The following CCDC32 variants were observed in gnomAD, a reference collection of about 807,000 sequenced individuals.
CCDC32 encodes the protein coiled-coil domain-containing protein 32.
CCDC32 carries 9 observed loss-of-function variants against 20.1 expected under a neutral mutation model. The ratio of observed to expected loss-of-function variants is 0.45; its 90% CI spans 0.27 to 0.78. The LOEUF is 0.78. Among genes scored for constraint, CCDC32 ranks in the 30% least tolerant of loss-of-function variants. CCDC32 has a pLI of 0.16. For synonymous variants in CCDC32, 63 were observed against 79.0 expected (o/e 0.80, Z 1.07); for missense variants, 204 against 215.5 (o/e 0.95, Z 0.33).
At chr15:40,536,447 CT>C (rs1449684888), downstream of CCDC32, 10 of 152,318 alleles carry the variant, frequency 6.6e-5, no homozygotes, top group African/African-American at 2.2e-4. Flanking sequence ...CTGCCCAGGG[CT>C]GGGGAAATAG....
chr15:40,561,696 T>C (rs1387606603), intron 2 of CCDC32, among the ~76,000 whole-genome samples: 3 of 151,762 alleles, frequency 2.0e-5, no homozygotes, highest in African/African-American at 7.3e-5. Context: ...CCAAAAGCTA[T>C]TGAAATAAAA....
intron 3 of CCDC32, among the ~76,000 whole-genome samples, chr15:40,541,355 C>T (rs1330085947): frequency 1.4e-5 from 2 of 146,842 alleles, no homozygotes; most frequent in African/African-American, 2.5e-5. Flanking sequence ...TTTTTTGAGA[C>T]GGAGTCTCGC....
downstream of CCDC32, chr15:40,538,971 G>A (rs983016525): frequency 6.1e-6 from 3 of 488,532 alleles, no homozygotes; most frequent in African/African-American, 5.8e-5. Flanking sequence ...CACCGCAGGA[G>A]CCTGCTGGTG....
chr15:40,557,369 T>G lies in CCDC32; in HGVS notation c.248A>C (p.Lys83Thr). The change falls in exon 3 of 4, where the codon AAG becomes ACG. Residue 83 changes from lysine to threonine, a missense_variant. By Grantham distance (78) the Lys-to-Thr change is moderately conservative. Coordinates refer to ENST00000416810, the MANE Select transcript of CCDC32 (RefSeq NM_001080792.4). ...TAAACCTTTGATTCTTCTTAGCTTCTTCTCTAGAGAGAGAAGTAGAGCTTA... is the reference window on the plus strand; with the variant it reads ...TAAACCTTTGATTCTTCTTAGCTTCGTCTCTAGAGAGAGAAGTAGAGCTTA... ...DSEVYLASLE[K>T]KLRRIKGLNQ... 2 of 1,604,742 alleles carry G rather than the reference T, an allele frequency of 1.2e-6. No homozygotes were observed. The highest frequency in any genetic ancestry group is 8.5e-7 in the Non-Finnish European group (1 of 1,177,150).
downstream of CCDC32, among the ~76,000 whole-genome samples, chr15:40,524,046 G>A (rs1277140637): frequency 6.6e-6 from 1 of 151,802 alleles, no homozygotes; most frequent in Non-Finnish European, 1.5e-5. Context: ...ATCAGTTGAC[G>A]GGAGAATGGA....
intron 3 of CCDC32, among the ~76,000 whole-genome samples, chr15:40,544,732 ATT>A (rs5812165): frequency 6.7e-6 from 1 of 150,314 alleles, no homozygotes; most frequent in Non-Finnish European, 1.5e-5. Context: ...TCCGGCTTGG[ATT>A]TTTTTTTTTC....
At chr15:40,557,452 C>T in intron 2 of CCDC32, 80 bp from the exon 3 acceptor site, 2 of 1,439,146 alleles carry the variant, frequency 1.4e-6, no homozygotes, top group Non-Finnish European at 1.9e-6. Context: ...AAAATACTAA[C>T]TTAAAAAATC....
intron 2 of CCDC32, among the ~76,000 whole-genome samples, chr15:40,558,748 C>T (rs978590840): frequency 2.0e-5 from 3 of 152,220 alleles, no homozygotes; most frequent in African/African-American, 2.4e-5. Flanking sequence ...ATTAACTTTC[C>T]AAGCCAGTCT....
chr15:40,564,681 G>T, intron 1 of CCDC32: 1 of 1,588,438 alleles, frequency 6.3e-7, no homozygotes, highest in Non-Finnish European at 8.6e-7. Context: ...TGACACGGCG[G>T]TCCTGGGTGA....
downstream of CCDC32, chr15:40,535,013 G>A: frequency 1.4e-6 from 1 of 705,500 alleles, no homozygotes; most frequent in Non-Finnish European, 2.6e-6. Context: ...GCCCATGCCT[G>A]CCGTGATGGA....
At chr15:40,539,678 C>G (rs1175686535) in intron 3 of CCDC32, among the ~76,000 whole-genome samples, 1 of 152,174 alleles carries the variant, frequency 6.6e-6, no homozygotes, top group Non-Finnish European at 1.5e-5. Flanking sequence ...GCTCCCATCC[C>G]AGGAAATTTC....
rs1890295560 is a variant in CCDC32, at chr15:40,557,125, C to G, written c.401+91G>C. 11 of 1,491,650 alleles carry G rather than the reference C, an allele frequency of 7.4e-6. No individual in the cohort carries two copies. The South Asian group carries it at 9.7e-5, about 13-fold the overall frequency. 92.4% of individuals were successfully genotyped at this position (1,491,650 alleles called of 1,614,324 possible). A position where few individuals can be genotyped will look rare whatever the true frequency, so the allele number is the denominator to read the frequency against. On this transcript the variant is annotated intron_variant, in intron 3 of 3. Coordinates refer to ENST00000416810, the MANE Select transcript of CCDC32 (RefSeq NM_001080792.4). ...AGTATTTGCCTTTTGGCAAAAAAGT[C>G]TGTTCTTAAAAATCTACTGCTGGGC... is the stretch of plus-strand genomic sequence containing the variant.
chr15:40,540,084 C>T (rs539828021), intron 3 of CCDC32, among the ~76,000 whole-genome samples: 1 of 152,258 alleles, frequency 6.6e-6, no homozygotes, highest in South Asian at 2.1e-4. Context: ...AGGGAAAAGA[C>T]AGACTGAACA....
chr15:40,545,337 TAC>T (rs142645644), intron 3 of CCDC32, among the ~76,000 whole-genome samples: 21 of 150,384 alleles, frequency 1.4e-4, no homozygotes, highest in South Asian at 1.3e-3. Context: ...TCTGCACACA[TAC>T]ACACACACAC....
chr15:40,526,650 C>T (rs950119090), downstream of CCDC32, among the ~76,000 whole-genome samples: 4 of 152,216 alleles, frequency 2.6e-5, no homozygotes, highest in African/African-American at 9.6e-5. Flanking sequence ...CAGTGGCTCA[C>T]ACCTGTAATC....
the CCDC32 span, among the ~76,000 whole-genome samples, chr15:40,523,437 G>A: frequency 2.0e-5 from 3 of 150,964 alleles, no homozygotes; most frequent in South Asian, 6.3e-4. Context: ...CTGGGAGGCG[G>A]AGGTTGTGGT....
At chr15:40,550,100 G>A (rs8025458), downstream of CCDC32, among the ~76,000 whole-genome samples, 52,785 of 152,112 alleles carry the variant, frequency 0.35, 9,340 homozygotes, top group African/African-American at 0.4. Flanking sequence ...TGATGAGCAC[G>A]TGTGTGTGCC....
chr15:40,558,794 TTTTC>T (rs1182321461), intron 2 of CCDC32, among the ~76,000 whole-genome samples: 4 of 135,040 alleles, frequency 3.0e-5, no homozygotes, highest in African/African-American at 1.1e-4. Flanking sequence ...TCATTACACT[TTTTC>T]TTTCTTTCTT....
downstream of CCDC32, among the ~76,000 whole-genome samples, chr15:40,530,217 T>C (rs1392812529): frequency 1.4e-5 from 2 of 139,308 alleles, no homozygotes; most frequent in African/African-American, 5.3e-5. Flanking sequence ...TACTTGAACC[T>C]GGGAGGTAGA....
Sources: gnomAD v4.1 joint callset for allele counts (sites outside exome capture counted in the v4.1 genomes callset) on GRCh38, gnomAD v4.1.1 for gene constraint, MANE v1.5 for transcripts, NCBI Gene and HGNC (gene_info 2026-07-23, HGNC 2026-07-21) for gene names.